The following CXADR variants were observed in gnomAD, a reference collection of about 807,000 sequenced individuals.
CXADR encodes CXADR cell adhesion molecule.
Under a neutral mutation model 40.3 loss-of-function variants are expected in CXADR, and 20 were observed. The ratio of observed to expected loss-of-function variants is 0.50; its 90% CI spans 0.35 to 0.72. The LOEUF (loss-of-function observed/expected upper bound fraction) is 0.72. Among genes scored for constraint, CXADR ranks in the 30% least tolerant of loss-of-function variants. The pLI is 0.01. For synonymous variants in CXADR, 150 were observed against 161.3 expected (o/e 0.93, Z 0.53); for missense variants, 332 against 449.1 (o/e 0.74, Z 2.36).
the CXADR span, among the ~76,000 whole-genome samples, chr21:17,627,963 A>AT: frequency 8.5e-4 from 130 of 152,266 alleles, no homozygotes; most frequent in African/African-American, 2.3e-3. Context: ...TTTTTAGTTG[A>AT]TTTTTTCTAA....
chr21:17,591,662 T>C (rs1414230200), intron 7 of CXADR, among the ~76,000 whole-genome samples: 3 of 152,024 alleles, frequency 2.0e-5, no homozygotes, highest in Non-Finnish European at 4.4e-5. Flanking sequence ...CAGTTATGCC[T>C]ACAAATACAA....
intron 2 of CXADR, among the ~76,000 whole-genome samples, chr21:17,548,897 T>G (rs1304921012): frequency 6.6e-6 from 1 of 152,168 alleles, no homozygotes; most frequent in Non-Finnish European, 1.5e-5. Context: ...CACAGTCACA[T>G]CAGACCAAAA....
chr21:17,532,641 T>C (rs2060692866), intron 1 of CXADR, among the ~76,000 whole-genome samples: 1 of 149,978 alleles, frequency 6.7e-6, no homozygotes, highest in Non-Finnish European at 1.5e-5. Context: ...TGGAAGGCAC[T>C]GCTAAATGCC....
chr21:17,624,705 A>G, the CXADR span, among the ~76,000 whole-genome samples: 2 of 152,144 alleles, frequency 1.3e-5, no homozygotes, highest in African/African-American at 2.4e-5. Context: ...TAACAAATTG[A>G]CAGGTGCCAG....
intron 7 of CXADR, among the ~76,000 whole-genome samples, chr21:17,592,844 AG>A (rs2061451903): frequency 6.8e-6 from 1 of 148,012 alleles, no homozygotes; most frequent in Non-Finnish European, 1.5e-5. Flanking sequence ...TTTAAAAATG[AG>A]TTTTCTGAAG....
Position 17,569,182 on chromosome 21 carries a change from A to G in CXADR, c.*3490A>G. ...CAGCATGTACATTTGATGTTATGTG[A>G]ATGTTGAGTTTTTTCTTCTAATTTT... On this transcript the variant is annotated 3_prime_UTR_variant, in exon 7 of 7. Coordinates refer to ENST00000284878, the MANE Select transcript of CXADR (RefSeq NM_001338.5). 3.0e-6 allele frequency: 3 copies of G among 985,370 alleles called. No individual in the cohort carries two copies. Among genetic ancestry groups the G allele is most frequent in the Non-Finnish European group, 3.6e-6 (3 of 829,912 alleles). 61.0% of individuals were successfully genotyped at this position (985,370 alleles called of 1,614,324 possible). A position where few individuals can be genotyped will look rare whatever the true frequency, so the allele number is the denominator to read the frequency against.
At chr21:17,534,426 T>TTAA (rs2060727733) in intron 1 of CXADR, among the ~76,000 whole-genome samples, 1 of 151,880 alleles carries the variant, frequency 6.6e-6, no homozygotes, top group African/African-American at 2.4e-5. Flanking sequence ...GTTGGTAGAG[T>TTAA]TAATTAGTGT....
At chr21:17,547,553 G>A (rs1043037238) in intron 2 of CXADR, among the ~76,000 whole-genome samples, 2 of 152,188 alleles carry the variant, frequency 1.3e-5, no homozygotes, top group Non-Finnish European at 1.5e-5. Flanking sequence ...AGGAGTGTGT[G>A]TTGTGTTAGG....
chr21:17,580,999 C>T (rs1323819781), intron 7 of CXADR, among the ~76,000 whole-genome samples: 1 of 152,184 alleles, frequency 6.6e-6, no homozygotes, highest in African/African-American at 2.4e-5. Context: ...GATCCTCCTG[C>T]CTTAGCCTCC....
rs1287752674 is a variant in CXADR at position 17,566,737 on chromosome 21, A to G, written c.*1045A>G. On this transcript the variant is annotated 3_prime_UTR_variant, in exon 7 of 7. Coordinates refer to ENST00000284878, the MANE Select transcript of CXADR (RefSeq NM_001338.5). The stretch of plus-strand genomic sequence containing the variant: ...TGTAATCCTAAATTTACCCTCTTGA[A>G]TATAATCCCTGGATGATATTTTTTA... 2 of 966,556 alleles carry G rather than the reference A, an allele frequency of 2.1e-6. No homozygotes were observed. Among genetic ancestry groups the G allele is most frequent in the Non-Finnish European group, 2.5e-6 (2 of 812,988 alleles). The allele number at this position is 966,556 out of a possible 1,614,324, so 59.9% of individuals were successfully genotyped here.
intron 1 of CXADR, among the ~76,000 whole-genome samples, chr21:17,538,007 T>C (rs949223726): frequency 6.6e-6 from 1 of 151,750 alleles, no homozygotes; most frequent in Non-Finnish European, 1.5e-5. Context: ...GGTATCTTTT[T>C]TTTTTTCTTT....
the CXADR span, among the ~76,000 whole-genome samples, chr21:17,626,127 C>T: frequency 2.0e-5 from 3 of 152,096 alleles, no homozygotes; most frequent in Non-Finnish European, 4.4e-5. Context: ...TATGCATTTC[C>T]CCCTTTTCTT....
chr21:17,579,280 CTT>C (rs2061342865), intron 7 of CXADR, among the ~76,000 whole-genome samples: 1 of 138,440 alleles, frequency 7.2e-6, no homozygotes, highest in Non-Finnish European at 1.6e-5. Flanking sequence ...TTTTTCCTTT[CTT>C]CTCTTTTCTT....
downstream of CXADR, among the ~76,000 whole-genome samples, chr21:17,570,821 C>A (rs1218275199): frequency 6.6e-6 from 1 of 152,112 alleles, no homozygotes; most frequent in East Asian, 1.9e-4. Context: ...TCAGGAAAAA[C>A]CAGAATGGGA....
the CXADR span, among the ~76,000 whole-genome samples, chr21:17,621,701 C>G: frequency 6.6e-6 from 1 of 152,152 alleles, no homozygotes; most frequent in Non-Finnish European, 1.5e-5. Flanking sequence ...CACATCCTTC[C>G]TCTTCTCTAG....
At chr21:17,521,047 G>A (rs575815597) in intron 1 of CXADR, among the ~76,000 whole-genome samples, 2 of 152,248 alleles carry the variant, frequency 1.3e-5, no homozygotes, top group African/African-American at 4.8e-5. Flanking sequence ...GTTAGGTGGC[G>A]TCTGTATAAA....
At chr21:17,559,937 C>T (rs746683324) in intron 4 of CXADR, among the ~76,000 whole-genome samples, 2 of 150,408 alleles carry the variant, frequency 1.3e-5, no homozygotes, top group African/African-American at 2.4e-5. Context: ...CCTCAGCCTC[C>T]CAAAGTATAG....
At chr21:17,558,119 G>A (rs1433651927) in intron 3 of CXADR, among the ~76,000 whole-genome samples, 1 of 150,380 alleles carries the variant, frequency 6.6e-6, no homozygotes, top group African/African-American at 2.5e-5. Context: ...TTTTACACAT[G>A]AATTTCCAGG....
chr21:17,539,369 T>G (rs1308253342), intron 1 of CXADR, among the ~76,000 whole-genome samples: 1 of 152,206 alleles, frequency 6.6e-6, no homozygotes, highest in African/African-American at 2.4e-5. Context: ...TTATTTTAGA[T>G]TCTCAGGGGA....
Sources: allele counts gnomAD v4.1 joint callset (sites outside exome capture counted in the v4.1 genomes callset), GRCh38; gene constraint gnomAD v4.1.1; transcripts MANE v1.5; gene names NCBI Gene and HGNC (gene_info 2026-07-23, HGNC 2026-07-21).